LINGO2: variants seen among roughly 807,000 people sequenced by gnomAD.
LINGO2 encodes leucine-rich repeat and immunoglobulin-like domain-containing nogo receptor-interacting protein 2.
LINGO2 carries 14 observed loss-of-function variants against 30.6 expected under a neutral mutation model. That is an observed-to-expected ratio of 0.46 (90% CI 0.30 to 0.72). The LOEUF is 0.72. Among genes scored for constraint, LINGO2 ranks in the 30% least tolerant of loss-of-function variants. The pLI, the probability that LINGO2 is intolerant of heterozygous loss-of-function variation, is 0.07. For synonymous variants in LINGO2, 317 were observed against 288.5 expected (o/e 1.10, Z -1.00); for missense variants, 729 against 751.7 (o/e 0.97, Z 0.35).
chr9:28,312,170 A>G (rs1007756440), intron 3 of LINGO2, among the ~76,000 whole-genome samples: 17 of 31,446 alleles, frequency 5.4e-4, no homozygotes, highest in Non-Finnish European at 2.3e-3. Context: ...TTTTGTATCC[A>G]GATACCAATA....
chr9:28,303,863 C>T (rs1189501306), intron 3 of LINGO2, among the ~76,000 whole-genome samples: 1 of 151,874 alleles, frequency 6.6e-6, no homozygotes, highest in Non-Finnish European at 1.5e-5. Context: ...GAAAAGGAGG[C>T]AGGAGAACCA....
In LINGO2 at chr9:28,545,191, G is replaced by A. The variant is rs113247433; in HGVS notation, c.-364-69166C>T. Among the ~76,000 whole-genome samples, 1,288 of 152,046 alleles carry A rather than the reference G, an allele frequency of 8.5e-3. 15 individuals are homozygous for A. The highest frequency in any genetic ancestry group is 0.016 in the African/African-American group (658 of 41,522). ...TCATATTGTATAAAGGGACCGATAA[G>A]GATTTTAACTGAACTGAGGGGAGGC... On this transcript the variant is annotated intron_variant, in intron 1 of 5. Transcript: ENST00000379992.
At chr9:28,998,588 T>A in the LINGO2 span, among the ~76,000 whole-genome samples, 1 of 152,054 alleles carries the variant, frequency 6.6e-6, no homozygotes, top group Non-Finnish European at 1.5e-5. Flanking sequence ...TAATTTGAAT[T>A]AATAGTTTCC....
chr9:29,085,970 G>A, the LINGO2 span, among the ~76,000 whole-genome samples: 10 of 151,962 alleles, frequency 6.6e-5, no homozygotes, highest in Non-Finnish European at 1.0e-4. Flanking sequence ...ATTTGTGCCC[G>A]TTGGATCAAC....
At position 27,997,279 on chromosome 9, in the gene LINGO2, C is replaced by A. The variant is rs897403707; in HGVS notation, c.-36+15076G>T. ...GAAAGACTTAAGATGTGCACGTGCT[C>A]ATTAATTGAGGGTCAAGCTGTTCTT... On this transcript the variant is annotated intron_variant, in intron 5 of 5. Transcript: ENST00000379992. 2.0e-5 allele frequency among the ~76,000 whole-genome samples: 3 copies of A among 152,162 alleles called. No homozygotes were observed. In the East Asian group the frequency reaches 5.8e-4, roughly 29 times the overall value.
the LINGO2 span, among the ~76,000 whole-genome samples, chr9:29,114,885 A>G: frequency 5.9e-5 from 9 of 152,092 alleles, no homozygotes; most frequent in East Asian, 1.7e-3. Context: ...TTCTTTACGG[A>G]TGAACTAAGT....
At chr9:28,321,323 C>G (rs1825033680) in intron 3 of LINGO2, among the ~76,000 whole-genome samples, 1 of 152,118 alleles carries the variant, frequency 6.6e-6, no homozygotes, top group African/African-American at 2.4e-5. Flanking sequence ...GATCATTCAG[C>G]CCACAAGATA....
At position 28,000,554 on chromosome 9, in the gene LINGO2, A is replaced by C. The variant is rs575247248; in HGVS notation, c.-36+11801T>G. Among the ~76,000 whole-genome samples the C allele has an allele frequency of 9.2e-5, 14 of 152,348 alleles. 1 individual carries two copies. The South Asian group carries it at 2.9e-3, about 32-fold the overall frequency. ...ACTTTTACATGGTTCCATGCTTGTC[A>C]AATGACCAACTTAATTTACTAGAAT... On this transcript the variant is annotated intron_variant, in intron 5 of 5. Transcript: ENST00000379992.
the LINGO2 span, among the ~76,000 whole-genome samples, chr9:28,690,354 C>T: frequency 6.6e-6 from 1 of 152,102 alleles, no homozygotes; most frequent in East Asian, 1.9e-4. Flanking sequence ...AGATTCCTGA[C>T]CCATAAAAAT....
chr9:28,222,149 G>C (rs1031051015), intron 4 of LINGO2, among the ~76,000 whole-genome samples: 11 of 152,090 alleles, frequency 7.2e-5, no homozygotes, highest in Admixed American at 5.2e-4. Flanking sequence ...TTTCTCATTT[G>C]ATTAATTATT....
At chr9:28,481,450 TC>T (rs1825959439) in intron 1 of LINGO2, among the ~76,000 whole-genome samples, 1 of 152,042 alleles carries the variant, frequency 6.6e-6, no homozygotes, top group South Asian at 2.1e-4. Flanking sequence ...TTTTCCTTTC[TC>T]TGAAGACAGA....
At chr9:28,014,552 T>TAAAA (rs2119287376) in intron 4 of LINGO2, among the ~76,000 whole-genome samples, 1 of 78,060 alleles carries the variant, frequency 1.3e-5, no homozygotes, top group South Asian at 5.2e-4. Context: ...AATTTTACTT[T>TAAAA]TTTATCCAGG....
At chr9:28,072,299 A>C (rs991700727) in intron 4 of LINGO2, among the ~76,000 whole-genome samples, 1 of 152,218 alleles carries the variant, frequency 6.6e-6, no homozygotes, top group African/African-American at 2.4e-5. Flanking sequence ...AGCTGCAAGC[A>C]CACATTTCAA....
At chr9:28,976,700 A>C in the LINGO2 span, among the ~76,000 whole-genome samples, 1 of 152,102 alleles carries the variant, frequency 6.6e-6, no homozygotes, top group East Asian at 1.9e-4. Flanking sequence ...TAACTCATAA[A>C]AATGCTGAGC....
intron 4 of LINGO2, among the ~76,000 whole-genome samples, chr9:28,192,280 T>C (rs1488956888): frequency 3.3e-5 from 5 of 152,094 alleles, no homozygotes; most frequent in Non-Finnish European, 7.4e-5. Context: ...TATATACATA[T>C]GTATAAACAG....
the LINGO2 span, among the ~76,000 whole-genome samples, chr9:28,896,019 G>A: frequency 2.6e-5 from 4 of 152,156 alleles, no homozygotes; most frequent in Admixed American, 1.3e-4. Flanking sequence ...GACATTAAGC[G>A]TTCAGAATGC....
intron 5 of LINGO2, among the ~76,000 whole-genome samples, chr9:27,984,510 C>T (rs1277275942): frequency 6.6e-6 from 1 of 151,778 alleles, no homozygotes; most frequent in Non-Finnish European, 1.5e-5. Flanking sequence ...AACACACCTC[C>T]TGTCATTCAT....
chr9:29,150,850 A>AT, the LINGO2 span, among the ~76,000 whole-genome samples: 2 of 152,062 alleles, frequency 1.3e-5, no homozygotes, highest in African/African-American at 4.8e-5. Flanking sequence ...GTACACAAAA[A>AT]TTTTTCCACT....
chr9:28,609,392 C>T lies in LINGO2; in HGVS notation c.-365+60808G>A, dbSNP rs141660547. Among the ~76,000 whole-genome samples the T allele has an allele frequency of 9.1e-4, 138 of 151,626 alleles. 2 individuals carry two copies. The highest frequency in any genetic ancestry group is 7.8e-3 in the Admixed American group (118 of 15,216). ...AGCAATAAGTCAAATCATATATAAA[C>T]GGTTCATATGAATCAATAATAAAAA... On this transcript the variant is annotated intron_variant, in intron 1 of 5. Transcript: ENST00000379992.
Sources: gnomAD v4.1 joint callset for allele counts (sites outside exome capture counted in the v4.1 genomes callset) on GRCh38, gnomAD v4.1.1 for gene constraint, MANE v1.5 for transcripts, NCBI Gene and HGNC (gene_info 2026-07-23, HGNC 2026-07-21) for gene names.